MAK16: variants seen among roughly 807,000 people sequenced by gnomAD.
MAK16 encodes MAK16 homolog.
In MAK16, 12 loss-of-function variants were observed where a neutral mutation model predicts 49.9. The ratio of observed to expected loss-of-function variants is 0.24; its 90% confidence interval spans 0.15 to 0.39. The LOEUF (loss-of-function observed/expected upper bound fraction) is 0.39. Ranked by LOEUF, MAK16 falls within the 10% of genes least tolerant of loss-of-function variation. MAK16 has a pLI of 1.00. For missense variants in MAK16, 292 were observed against 363.7 expected, an observed-to-expected ratio of 0.80 and a Z score of 1.60; for synonymous variants, 115 against 126.4, an observed-to-expected ratio of 0.91 and a Z score of 0.60.
In MAK16 at chr8:33,498,671, C is replaced by A. The variant is rs756622190; in HGVS notation, c.*42C>A. 62 of 1,155,320 alleles carry A rather than the reference C, an allele frequency of 5.4e-5. No homozygotes were observed. Among genetic ancestry groups the A allele is most frequent in the Non-Finnish European group, 6.7e-5 (55 of 825,510 alleles). 71.6% of individuals were successfully genotyped at this position (1,155,320 alleles called of 1,614,324 possible). On this transcript the variant is annotated 3_prime_UTR_variant, in exon 10 of 10. Transcript: ENST00000360128. ...TATACCCAGGACTGAACATGCAGAA[C>A]TGTTTTTTTTTTTTTTTTATCTTAA...
chr8:33,499,274 G>C lies in MAK16; in HGVS notation c.*645G>C. The C allele has an allele frequency of 6.2e-7, 1 of 1,612,168 alleles. No individual in the cohort carries two copies. Among genetic ancestry groups the C allele is most frequent in the African/African-American group, 1.3e-5 (1 of 74,826 alleles). Reference sequence around the variant, plus strand: ...CAGCTTTGGGGAATTTTGGCCAGGAGACCCTGAAACATGAAACCAAACAGG... The same window carrying C: ...CAGCTTTGGGGAATTTTGGCCAGGACACCCTGAAACATGAAACCAAACAGG... On this transcript the variant is annotated 3_prime_UTR_variant, in exon 10 of 10. Transcript: ENST00000360128.
intron 6 of MAK16, 21 bp downstream of exon 6, chr8:33,490,360 T>G (rs1808758157): frequency 1.3e-6 from 2 of 1,599,950 alleles, no homozygotes; most frequent in South Asian, 2.2e-5. Context: ...GTTGAGATAT[T>G]CATACCTTCT....
Position 33,498,768 on chromosome 8 carries a change from GC to G in MAK16, c.*141del. On this transcript the variant is annotated 3_prime_UTR_variant, in exon 10 of 10. Transcript: ENST00000360128. ...CAATATTTGTGTTTTTATTATTTATGCCACGTCAGTGGGGCAAGAAATCTGG... is the reference window on the plus strand; with the variant it reads ...CAATATTTGTGTTTTTATTATTTATGCACGTCAGTGGGGCAAGAAATCTGG... 1 of 765,520 alleles carries G rather than the reference GC, an allele frequency of 1.3e-6. No individual in the cohort carries two copies. The highest frequency in any genetic ancestry group is 1.8e-5 in the African/African-American group (1 of 55,554). The allele number at this position is 765,520 out of a possible 1,614,324, so 47.4% of individuals were successfully genotyped here.
chr8:33,490,230 A>G, intron 5 of MAK16, 55 bp from the exon 6 acceptor site: 1 of 1,439,862 alleles, frequency 6.9e-7, no homozygotes, highest in East Asian at 2.3e-5. Flanking sequence ...TCTCATCCTT[A>G]AAAAGGAACA....
intron 9 of MAK16, 61 bp from the exon 10 acceptor site, chr8:33,498,371 A>C: frequency 2.0e-6 from 3 of 1,474,538 alleles, no homozygotes; most frequent in Non-Finnish European, 2.8e-6. Flanking sequence ...GGGACAAGGA[A>C]GGGAGTTTGG....
In MAK16 at chr8:33,488,541, C is replaced by T; in HGVS notation, c.87C>T (p.Cys29=). The change falls in exon 3 of 10, where the codon TGC becomes TGT. Residue 29 remains cysteine (C), a synonymous_variant. Coordinates refer to ENST00000360128, the MANE Select transcript of MAK16 (RefSeq NM_032509.4). The part of the protein sequence containing the change: ...FKIRTKTQSF[C]RNEYSLTGLC... ...CTAGAACCAAGACTCAGAGCTTCTGCCGAAATGAATATAGCCTGACTGGAC... is the reference window on the plus strand; with the variant it reads ...CTAGAACCAAGACTCAGAGCTTCTGTCGAAATGAATATAGCCTGACTGGAC... 1 of 1,614,102 alleles carries T rather than the reference C, an allele frequency of 6.2e-7. No individual in the cohort carries two copies. Among genetic ancestry groups the T allele is most frequent in the Non-Finnish European group, 8.5e-7 (1 of 1,180,014 alleles).
Position 33,498,518 on chromosome 8 carries a change from G to T in MAK16, c.792G>T (p.Ala264=), listed in dbSNP as rs145220443. The change falls in exon 10 of 10, where the codon GCG becomes GCT. Residue 264 remains alanine, a synonymous_variant. Transcript: ENST00000360128. ...SEEEEEKALS[A]KHKGKMPLRG... is the part of the protein sequence containing the mutation. ...AGGAGGAAGAAAAGGCCCTTAGTGC[G>T]AAACACAAAGGCAAAATGCCCTTGA... 3.1e-5 allele frequency: 50 copies of T among 1,613,838 alleles called. No homozygotes were observed. The highest frequency in any genetic ancestry group is 4.1e-5 in the Non-Finnish European group (48 of 1,179,940).
At chr8:33,487,679 C>T (rs946612478) in intron 1 of MAK16, among the ~76,000 whole-genome samples, 2 of 103,448 alleles carry the variant, frequency 1.9e-5, no homozygotes, top group South Asian at 2.8e-4. Flanking sequence ...TGCCTTGGCA[C>T]TCAAAGTGCT....
At position 33,498,481 on chromosome 8, in the gene MAK16, C is replaced by T. The variant is rs781393866; in HGVS notation, c.755C>T (p.Ser252Phe). Residue 252 changes from serine to phenylalanine, a missense_variant, in exon 10 of 10, where the codon TCC (serine) becomes TTC (phenylalanine). Physicochemically the swap from Ser to Phe is radical, Grantham distance 155. Transcript: ENST00000360128. The part of the protein sequence containing the change: ...ASSDEDQDGK[S>F]SSEEEEEKAL... ...AGTGATGAAGATCAGGATGGTAAAT[C>T]CTCCAGTGAGGAGGAGGAAGAAAAG... The T allele has an allele frequency of 3.1e-6, 5 of 1,613,918 alleles. No individual in the cohort carries two copies. The South Asian group carries it at 5.5e-5, about 18-fold the overall frequency.
chr8:33,487,428 C>CTT (rs11292522), intron 1 of MAK16, among the ~76,000 whole-genome samples: 2 of 143,284 alleles, frequency 1.4e-5, no homozygotes, highest in African/African-American at 5.1e-5. Flanking sequence ...ACCATGAAGC[C>CTT]TTTTTTTTTT....
At chr8:33,485,411 C>G in intron 1 of MAK16, 190 bp downstream of exon 1, 2 of 728,902 alleles carry the variant, frequency 2.7e-6, no homozygotes, top group Middle Eastern at 2.4e-4. Flanking sequence ...CCCGCTGCCC[C>G]GGCCGGGTTG....
intron 6 of MAK16, among the ~76,000 whole-genome samples, chr8:33,493,445 TTATA>T: frequency 6.6e-6 from 1 of 152,206 alleles, no homozygotes; most frequent in South Asian, 2.1e-4. Context: ...ATAAATGTTA[TTATA>T]CATACACACT....
In MAK16 at chr8:33,489,466, T is replaced by C. The variant is rs563591327; in HGVS notation, c.392+327T>C. Among the ~76,000 whole-genome samples the C allele has an allele frequency of 6.6e-6, 1 of 152,280 alleles. No homozygotes were observed. Among genetic ancestry groups the C allele is most frequent in the South Asian group, 2.1e-4 (1 of 4,826 alleles). ...ACCTCAGCTCACTGCAACCTCCATC[T>C]CCCCGGTTGAAGCAATCCTCCCACC... On this transcript the variant is annotated intron_variant, in intron 5 of 9. Transcript: ENST00000360128. This position sits in a 1 kb window ranked among gnomAD's most constrained non-coding sequence, Gnocchi z 4.2.
intron 5 of MAK16, 38 bp from the exon 6 acceptor site, chr8:33,490,247 A>G (rs1808756204): frequency 1.3e-6 from 2 of 1,544,768 alleles, no homozygotes; most frequent in Non-Finnish European, 8.9e-7. Flanking sequence ...AACACAGCAC[A>G]TGACAGTGGA....
In MAK16 at chr8:33,498,536, G is replaced by A. The variant is rs1563348698; in HGVS notation, c.810G>A (p.Met270Ile). 1 of 1,613,986 alleles carries A rather than the reference G, an allele frequency of 6.2e-7. No homozygotes were observed. Among genetic ancestry groups the A allele is most frequent in the African/African-American group, 1.3e-5 (1 of 74,922 alleles). The change falls in exon 10 of 10, where the codon ATG (methionine) becomes ATA (isoleucine). Residue 270 changes from methionine (M) to isoleucine (I), a missense_variant. Transcript: ENST00000360128. ...TTAGTGCGAAACACAAAGGCAAAAT[G>A]CCCTTGAGAGGACCACTGCAGAGAA... ...KALSAKHKGKMPLRGPLQRKR... is the reference protein window; with the variant it reads ...KALSAKHKGKIPLRGPLQRKR...
rs151212971 is a variant in MAK16 at position 33,495,558 on chromosome 8, C to G, written c.464C>G (p.Ala155Gly). 4 of 1,613,684 alleles carry G rather than the reference C, an allele frequency of 2.5e-6. No individual in the cohort carries two copies. The highest frequency in any genetic ancestry group is 3.4e-6 in the Non-Finnish European group (4 of 1,179,874). The change falls in exon 7 of 10, where the codon GCT (alanine) becomes GGT (glycine). Residue 155 changes from alanine to glycine, a missense_variant. By Grantham distance (60) the Ala-to-Gly change is moderately conservative (BLOSUM62 0). Transcript: ENST00000360128. Reference sequence around the variant, plus strand: ...CCCTTATAGGAAAAGGCATTAATAGCTGCTCAGCTGGACAATGCCATTGAG... The same window carrying G: ...CCCTTATAGGAAAAGGCATTAATAGGTGCTCAGCTGGACAATGCCATTGAG... ...EKRREEKALI[A>G]AQLDNAIEKE...
intron 6 of MAK16, among the ~76,000 whole-genome samples, chr8:33,495,085 A>G (rs938804300): frequency 2.0e-5 from 3 of 152,236 alleles, no homozygotes; most frequent in African/African-American, 7.2e-5. Flanking sequence ...GGTTGATGTC[A>G]TGTGTCATCT....
At chr8:33,497,340 A>C in intron 9 of MAK16, 43 bp downstream of exon 9, 3 of 719,184 alleles carry the variant, frequency 4.2e-6, no homozygotes, top group South Asian at 2.8e-5. Context: ...GCCTGCAGCA[A>C]AAAAAAAAAA....
At position 33,497,273 on chromosome 8, in the gene MAK16, T is replaced by C; in HGVS notation, c.681T>C (p.Asp227=). 6.2e-7 allele frequency: 1 copy of C among 1,607,636 alleles called. No individual in the cohort carries two copies. Among genetic ancestry groups the C allele is most frequent in the Non-Finnish European group, 8.5e-7 (1 of 1,177,878 alleles). Residue 227 remains aspartate, a synonymous_variant, in exon 9 of 10, where the codon GAT becomes GAC. Transcript: ENST00000360128. ...KREFVEDGEV[D]ESDISDFEDM... is the part of the protein sequence containing the mutation. ...AATTTGTCGAAGATGGTGAGGTAGA[T>C]GAGAGTGACATAAGTGATTTTGAGG... is the stretch of plus-strand genomic sequence containing the variant.
Sources: allele counts gnomAD v4.1 joint callset (sites outside exome capture counted in the v4.1 genomes callset), GRCh38; gene constraint gnomAD v4.1.1; non-coding constraint Gnocchi (gnomAD v3.1); transcripts MANE v1.5; gene names NCBI Gene and HGNC (gene_info 2026-07-23, HGNC 2026-07-21).